Variants in SEZ6L observed in about 807,000 individuals in gnomAD.
SEZ6L encodes the protein seizure 6-like protein.
In SEZ6L, 37 loss-of-function variants were observed where a neutral mutation model predicts 106.2. That is an observed-to-expected ratio of 0.35 (90% CI 0.27 to 0.46). The LOEUF (loss-of-function observed/expected upper bound fraction) is 0.46, where lower values mean the gene tolerates loss of function less well. Among genes scored for constraint, SEZ6L ranks in the 20% least tolerant of loss-of-function variants. The probability of loss-of-function intolerance (pLI) is 1.00; values close to 1 mark genes in which losing one functional copy is unlikely to be tolerated. For missense variants in SEZ6L, 1,172 were observed against 1,332.8 expected, an observed-to-expected ratio of 0.88 and a Z score of 1.88; for synonymous variants, 541 against 570.4, an observed-to-expected ratio of 0.95 and a Z score of 0.73.
At chr22:26,263,812 G>T (rs1207400) in intron 1 of SEZ6L, among the ~76,000 whole-genome samples, 1 of 152,170 alleles carries the variant, frequency 6.6e-6, no homozygotes, top group African/African-American at 2.4e-5. Flanking sequence ...GCCTTCTCCC[G>T]TCTCTATCCA....
In SEZ6L at chr22:26,304,526, A is replaced by G. The variant is rs183667547; in HGVS notation, c.1349-1453A>G. Among the ~76,000 whole-genome samples the G allele has an allele frequency of 1.4e-3, 209 of 152,336 alleles. 1 individual carries two copies. Among genetic ancestry groups the G allele is most frequent in the African/African-American group, 4.8e-3 (201 of 41,582 alleles). On this transcript the variant is annotated intron_variant, in intron 5 of 16. Coordinates refer to ENST00000248933, the MANE Select transcript of SEZ6L (RefSeq NM_021115.5). ...ATATCTCCTAAGAATTAGAGTAAAA[A>G]TAAGAATACCTTCTCGCTTGAGAAC... is the stretch of plus-strand genomic sequence containing the variant.
At chr22:26,380,169 G>A (rs1441893446) in intron 16 of SEZ6L, 97 bp from the exon 17 acceptor site, 2 of 1,174,640 alleles carry the variant, frequency 1.7e-6, no homozygotes, top group African/African-American at 3.0e-5. Context: ...TCACGACCAA[G>A]GGCATGGACA....
chr22:26,247,436 G>T (rs1459980297), intron 1 of SEZ6L, among the ~76,000 whole-genome samples: 1 of 152,142 alleles, frequency 6.6e-6, no homozygotes, highest in African/African-American at 2.4e-5. Flanking sequence ...GGATTGGGGT[G>T]GGCCTTAAGT....
At chr22:26,260,029 AG>A (rs1417884713) in intron 1 of SEZ6L, among the ~76,000 whole-genome samples, 3 of 152,216 alleles carry the variant, frequency 2.0e-5, no homozygotes, top group Admixed American at 2.0e-4. Context: ...TGGCATGCTT[AG>A]GGTTATTATT....
At position 26,292,417 on chromosome 22, in the gene SEZ6L, G is replaced by A. The variant is rs373985470; in HGVS notation, c.106G>A (p.Glu36Lys). The change falls in exon 2 of 17, where the codon GAG becomes AAG. Residue 36 changes from glutamate (E) to lysine (K), a missense_variant. Glu to Lys is a moderately conservative substitution (Grantham distance 56, BLOSUM62 1). Transcript: ENST00000248933. The part of the protein sequence containing the change: ...AAALERDALP[E>K]GDASPLGPYL... ...TCTCCTCTTCCAAGATGCTCTTCCCGAGGGAGATGCTAGCCCTTTGGGTCC... is the reference window on the plus strand; with the variant it reads ...TCTCCTCTTCCAAGATGCTCTTCCCAAGGGAGATGCTAGCCCTTTGGGTCC... 175 of 1,612,398 alleles carry A rather than the reference G, an allele frequency of 1.1e-4. 1 individual carries two copies. The Middle Eastern group carries it at 2.3e-3, about 21-fold the overall frequency.
rs779696523 is a variant in SEZ6L at position 26,373,414 on chromosome 22, C to T, written c.2795-37C>T. ...ATTTCATGCAAACGAAGTGAATTCACTTTACATTGACCAATGCTTCCTGAT... is the reference window on the plus strand; with the variant it reads ...ATTTCATGCAAACGAAGTGAATTCATTTTACATTGACCAATGCTTCCTGAT... On this transcript the variant is annotated intron_variant, in intron 13 of 16. Coordinates refer to ENST00000248933, the MANE Select transcript of SEZ6L (RefSeq NM_021115.5). 1.9e-6 allele frequency: 3 copies of T among 1,585,380 alleles called. No homozygotes were observed. In the South Asian group the frequency reaches 3.5e-5, roughly 19 times the overall value.
chr22:26,241,511 C>G (rs1198648819), intron 1 of SEZ6L: 1 of 152,132 alleles, frequency 6.6e-6, no homozygotes, highest in African/African-American at 2.4e-5. Flanking sequence ...AAACCAAGCC[C>G]CAGCATATTA....
chr22:26,204,397 G>A (rs774495989), intron 1 of SEZ6L, among the ~76,000 whole-genome samples: 19 of 152,144 alleles, frequency 1.2e-4, no homozygotes, highest in Non-Finnish European at 2.2e-4. Context: ...GCTAGTCATC[G>A]TTCTAGGCAC....
intron 9 of SEZ6L, among the ~76,000 whole-genome samples, chr22:26,315,817 G>A (rs1353087920): frequency 6.6e-6 from 1 of 151,848 alleles, no homozygotes; most frequent in Non-Finnish European, 1.5e-5. Flanking sequence ...CAACACTTTG[G>A]GAGGCTGAGG....
chr22:26,336,605 A>G (rs1252999276), intron 9 of SEZ6L, among the ~76,000 whole-genome samples: 1 of 152,200 alleles, frequency 6.6e-6, no homozygotes, highest in Non-Finnish European at 1.5e-5. Flanking sequence ...AAATTTCAGA[A>G]CAACAGAAGA....
intron 9 of SEZ6L, among the ~76,000 whole-genome samples, chr22:26,322,770 G>A (rs1601498237): frequency 6.6e-6 from 1 of 152,222 alleles, no homozygotes; most frequent in East Asian, 1.9e-4. Flanking sequence ...GAGCCCTCAG[G>A]CTAAACCTTC....
intron 1 of SEZ6L, among the ~76,000 whole-genome samples, chr22:26,221,638 G>A (rs765931997): frequency 5.3e-5 from 8 of 152,210 alleles, no homozygotes; most frequent in Non-Finnish European, 2.9e-5. Context: ...CCTAACCTGT[G>A]ATTGTCTCAT....
intron 11 of SEZ6L, 51 bp from the exon 12 acceptor site, chr22:26,351,001 A>G (rs372017816): frequency 9.2e-5 from 142 of 1,544,720 alleles, no homozygotes; most frequent in Middle Eastern, 9.0e-4. Context: ...CAGCAAACCC[A>G]TGGTCATCCA....
intron 1 of SEZ6L, among the ~76,000 whole-genome samples, chr22:26,189,904 T>C (rs1468232588): frequency 6.6e-6 from 1 of 152,116 alleles, no homozygotes; most frequent in Admixed American, 6.5e-5. Context: ...GAGACCATCC[T>C]GGCTAAGATG....
chr22:26,375,715 T>A (rs1332138447), intron 15 of SEZ6L, 26 bp downstream of exon 15: 1 of 1,565,854 alleles, frequency 6.4e-7, no homozygotes, highest in Middle Eastern at 1.7e-4. Flanking sequence ...GGGAGATGAC[T>A]GCCAAGCACC....
chr22:26,184,656 A>G (rs905732997), intron 1 of SEZ6L, among the ~76,000 whole-genome samples: 4 of 152,362 alleles, frequency 2.6e-5, no homozygotes, highest in African/African-American at 9.6e-5. Context: ...CATTTATTCA[A>G]TAAATATTCA....
Position 26,321,424 on chromosome 22 carries a change from C to G in SEZ6L, c.2015+7522C>G, listed in dbSNP as rs1360151192. ...CCACATTAGGGAGTCTGGGCTTCCC[C>G]AAATTGGGCAGCAGGAAAAGGGTTT... On this transcript the variant is annotated intron_variant, in intron 9 of 16. Coordinates refer to ENST00000248933, the MANE Select transcript of SEZ6L (RefSeq NM_021115.5). Among the ~76,000 whole-genome samples the G allele has an allele frequency of 2.6e-5, 4 of 152,216 alleles. No homozygotes were observed. The South Asian group carries it at 8.3e-4, about 31-fold the overall frequency.
At chr22:26,285,553 G>C (rs909611509) in intron 1 of SEZ6L, among the ~76,000 whole-genome samples, 11 of 152,166 alleles carry the variant, frequency 7.2e-5, no homozygotes, top group African/African-American at 2.7e-4. Flanking sequence ...GGCAGTGTTT[G>C]GAATCATTTT....
At position 26,311,892 on chromosome 22, in the gene SEZ6L, G is replaced by A. The variant is rs772753033; in HGVS notation, c.1806G>A (p.Gln602=). The change falls in exon 8 of 17, where the codon CAG becomes CAA. Residue 602 remains glutamine (Q), a synonymous_variant. Transcript: ENST00000248933. ...FTCDPGHSLE[Q]GPAIIECINV... ...GCGACCCCGGCCACTCCCTGGAGCAGGGCCCGGCCATCATCGAATGCATCA... is the reference window on the plus strand; with the variant it reads ...GCGACCCCGGCCACTCCCTGGAGCAAGGCCCGGCCATCATCGAATGCATCA... The A allele has an allele frequency of 6.2e-6, 10 of 1,614,196 alleles. 1 individual carries two copies. The South Asian group carries it at 6.6e-5, about 11-fold the overall frequency.
Sources: allele counts gnomAD v4.1 joint callset (sites outside exome capture counted in the v4.1 genomes callset), GRCh38; gene constraint gnomAD v4.1.1; transcripts MANE v1.5; gene names NCBI Gene and HGNC (gene_info 2026-07-23, HGNC 2026-07-21).